SLC7A7: variants seen among roughly 807,000 people sequenced by gnomAD.
The protein encoded by SLC7A7 is solute carrier family 7 member 7.
Under a neutral mutation model 47.9 loss-of-function variants are expected in SLC7A7, and 39 were observed. That is an observed-to-expected ratio of 0.81 (90% CI 0.63 to 1.06). The LOEUF is 1.06. Among genes scored for constraint, SLC7A7 ranks in the 50% least tolerant of loss-of-function variants. The pLI, the probability that SLC7A7 is intolerant of heterozygous loss-of-function variation, is 0.00. For synonymous variants in SLC7A7, 234 were observed against 242.8 expected (o/e 0.96, Z 0.34); for missense variants, 588 against 632.0 (o/e 0.93, Z 0.75).
intron 2 of SLC7A7, among the ~76,000 whole-genome samples, chr14:22,796,785 C>T (rs1228943603): frequency 6.6e-6 from 1 of 152,160 alleles, no homozygotes; most frequent in Non-Finnish European, 1.5e-5. Context: ...AAAGGACAGT[C>T]GGGTGGAGCT....
intron 1 of SLC7A7, among the ~76,000 whole-genome samples, chr14:22,813,876 C>G (rs112986966): frequency 6.9e-6 from 1 of 145,798 alleles, no homozygotes; most frequent in Admixed American, 6.8e-5. Context: ...CTGCAACCTC[C>G]GCCTCCCGGG....
chr14:22,781,720 C>A (rs2038722792), intron 2 of SLC7A7, among the ~76,000 whole-genome samples: 1 of 152,138 alleles, frequency 6.6e-6, no homozygotes, highest in Non-Finnish European at 1.5e-5. Flanking sequence ...CACTCAACAG[C>A]TTAGTGCCCC....
intron 2 of SLC7A7, among the ~76,000 whole-genome samples, chr14:22,794,223 T>C (rs1035183106): frequency 1.3e-5 from 2 of 152,222 alleles, no homozygotes; most frequent in African/African-American, 4.8e-5. Context: ...CTTGAAGAAT[T>C]GGCTCTGTCT....
intron 3 of SLC7A7, among the ~76,000 whole-genome samples, 186 bp from the exon 4 acceptor site, chr14:22,779,123 G>C (rs1234285005): frequency 6.6e-6 from 1 of 152,230 alleles, no homozygotes; most frequent in Non-Finnish European, 1.5e-5. Flanking sequence ...AGATAGACCA[G>C]AATGCCCTGC....
At chr14:22,794,599 G>T (rs895309228) in intron 2 of SLC7A7, among the ~76,000 whole-genome samples, 3 of 152,164 alleles carry the variant, frequency 2.0e-5, no homozygotes, top group African/African-American at 7.2e-5. Context: ...CAGAGGTTCT[G>T]ATGCAGGAGA....
rs1015646125 is a variant in SLC7A7 at position 22,773,449 on chromosome 14, A to G, written c.*161T>C. 4.2e-6 allele frequency: 3 copies of G among 717,342 alleles called. No individual in the cohort carries two copies. The African/African-American group carries it at 5.2e-5, about 13-fold the overall frequency. The allele number at this position is 717,342 out of a possible 1,614,324, so 44.4% of individuals were successfully genotyped here. On this transcript the variant is annotated 3_prime_UTR_variant, in exon 10 of 10. Coordinates refer to ENST00000674313, the MANE Select transcript of SLC7A7 (RefSeq NM_003982.4). ...GGAACAGTATGTAGCAAAACAAATA[A>G]ATTACTTTTCATTTCAAAAAGTAAG...
rs547679702 is a variant in SLC7A7, at chr14:22,779,068, A to G, written c.626-131T>C. 6.0e-5 allele frequency: 64 copies of G among 1,075,456 alleles called. 1 individual carries two copies. The South Asian group carries it at 6.3e-4, about 11-fold the overall frequency. The allele number at this position is 1,075,456 out of a possible 1,614,324, so 66.6% of individuals were successfully genotyped here. A position where few individuals can be genotyped will look rare whatever the true frequency, so the allele number is the denominator to read the frequency against. ...GTGGCCTACAACACCTTTGGCAGCA[A>G]GAGTACCAGTAAGGGAACAGGAAAC... On this transcript the variant is annotated intron_variant, in intron 3 of 9. Transcript: ENST00000674313.
chr14:22,783,561 C>T (rs1421579689), intron 2 of SLC7A7, among the ~76,000 whole-genome samples: 9 of 151,782 alleles, frequency 5.9e-5, no homozygotes, highest in African/African-American at 2.2e-4. Flanking sequence ...ACACCATGCC[C>T]AGCTAATTTT....
chr14:22,802,936 T>G (rs2039140786), intron 2 of SLC7A7, among the ~76,000 whole-genome samples: 1 of 152,108 alleles, frequency 6.6e-6, no homozygotes, highest in Non-Finnish European at 1.5e-5. Context: ...GCCTTTACAT[T>G]GGCTTTCCCT....
intron 7 of SLC7A7, among the ~76,000 whole-genome samples, chr14:22,774,790 A>G (rs1357638361): frequency 6.6e-6 from 1 of 152,164 alleles, no homozygotes; most frequent in Non-Finnish European, 1.5e-5. Flanking sequence ...AATGGCTCCA[A>G]CCTACAATAA....
chr14:22,805,414 C>A (rs1313816035), intron 2 of SLC7A7, among the ~76,000 whole-genome samples: 5 of 152,080 alleles, frequency 3.3e-5, no homozygotes, highest in Admixed American at 3.3e-4. Context: ...ACATATATAC[C>A]ATGAAATAGT....
At chr14:22,800,677 G>A (rs1037337699) in intron 2 of SLC7A7, among the ~76,000 whole-genome samples, 4 of 91,778 alleles carry the variant, frequency 4.4e-5, no homozygotes, top group Non-Finnish European at 1.0e-4. Flanking sequence ...GCTCACACCC[G>A]TAATCCTAAC....
rs79541435 is a variant in SLC7A7 at position 22,775,169 on chromosome 14, G to A, written c.1095+275C>T. On this transcript the variant is annotated intron_variant, in intron 7 of 9. Transcript: ENST00000674313. The stretch of plus-strand genomic sequence containing the variant: ...GTGATCGTTTCTTCTCTTAAACACC[G>A]TATCACTCACTATCTGTCATGGCAA... Among the ~76,000 whole-genome samples the A allele has an allele frequency of 8.7e-3, 1,326 of 152,052 alleles. 22 individuals carry two copies. Among genetic ancestry groups the A allele is most frequent in the African/African-American group, 0.029 (1,201 of 41,456 alleles).
Position 22,788,086 on chromosome 14 carries a change from T to G in SLC7A7, c.500-8035A>C, listed in dbSNP as rs989497624. Among the ~76,000 whole-genome samples the G allele has an allele frequency of 4.1e-4, 62 of 151,628 alleles. 3 individuals are homozygous for G. On this transcript the variant is annotated intron_variant, in intron 2 of 9. Transcript: ENST00000674313. ...AGAGTTCGTCTCAAAAAAAAAAAAA[T>G]TAAAATGTTGACTAAGATCAACAGA...
chr14:22,798,088 GA>G (rs1439483793), intron 2 of SLC7A7, among the ~76,000 whole-genome samples: 2 of 152,138 alleles, frequency 1.3e-5, no homozygotes, highest in Non-Finnish European at 2.9e-5. Context: ...CTGAGGTCAG[GA>G]GTTTCAGACT....
chr14:22,786,531 C>A (rs4981440), intron 2 of SLC7A7, among the ~76,000 whole-genome samples: 86,190 of 152,042 alleles, frequency 0.57, 25,827 homozygotes, highest in East Asian at 0.68. Flanking sequence ...AACTCCAGAC[C>A]GTGTTGCCGA....
intron 2 of SLC7A7, among the ~76,000 whole-genome samples, chr14:22,788,504 A>T (rs1020145380): frequency 1.1e-4 from 16 of 151,950 alleles, no homozygotes; most frequent in South Asian, 8.3e-4. Context: ...GGAGTTTGAG[A>T]TCAGCCTGGC....
chr14:22,790,560 C>A (rs2038906578), intron 2 of SLC7A7, among the ~76,000 whole-genome samples: 1 of 151,948 alleles, frequency 6.6e-6, no homozygotes, highest in Non-Finnish European at 1.5e-5. Flanking sequence ...GATCCTCAAA[C>A]AAGTATGTAC....
At chr14:22,784,736 A>C (rs910628644) in intron 2 of SLC7A7, among the ~76,000 whole-genome samples, 1 of 152,204 alleles carries the variant, frequency 6.6e-6, no homozygotes, top group African/African-American at 2.4e-5. Flanking sequence ...GGTAAGGCCC[A>C]GCATCAGCGC....
Sources: gnomAD v4.1 joint callset for allele counts (sites outside exome capture counted in the v4.1 genomes callset) on GRCh38, gnomAD v4.1.1 for gene constraint, MANE v1.5 for transcripts, NCBI Gene and HGNC (gene_info 2026-07-23, HGNC 2026-07-21) for gene names.